Variants in PRRT1 observed in about 807,000 individuals in gnomAD.
PRRT1 encodes proline rich transmembrane protein 1.
In PRRT1, 8 loss-of-function variants were observed where a neutral mutation model predicts 22.6. The ratio of observed to expected loss-of-function variants is 0.35; its 90% CI spans 0.21 to 0.64. The LOEUF is 0.64. Among genes scored for constraint, PRRT1 ranks in the 30% least tolerant of loss-of-function variants. The pLI is 0.69. For synonymous variants in PRRT1, 176 were observed against 203.6 expected (o/e 0.86, Z 1.15); for missense variants, 315 against 444.5 (o/e 0.71, Z 2.62).
Position 32,150,667 on chromosome 6 carries a change from G to T in PRRT1, c.259C>A (p.His87Asn). 1 of 1,427,550 alleles carries T rather than the reference G, an allele frequency of 7.0e-7. No individual in the cohort carries two copies. The highest frequency in any genetic ancestry group is 9.1e-7 in the Non-Finnish European group (1 of 1,096,286). 88.4% of individuals were successfully genotyped at this position (1,427,550 alleles called of 1,614,324 possible). A position where few individuals can be genotyped will look rare whatever the true frequency, so the allele number is the denominator to read the frequency against. ...CCGGCAGCAGGGCCGGGAGGGGCGT[G>T]GTGGGGGGGCCTCGGCAGCGTGGCA... ...SSATLPRPPH[H>N]APPGPAAGAP... is the part of the protein sequence containing the mutation. The change falls in exon 2 of 4, where the codon CAC becomes AAC. Residue 87 changes from histidine to asparagine, a missense_variant. By Grantham distance (68) the His-to-Asn change is moderately conservative (BLOSUM62 1). This residue lies in a region of PRRT1 where 263 missense variants were observed against 328.5 expected (regional missense o/e 0.80). Coordinates refer to ENST00000211413, the MANE Select transcript of PRRT1 (RefSeq NM_030651.4). The surrounding 1 kb of genome is among the most constrained non-coding windows in gnomAD (Gnocchi z 7.2).
chr6:32,151,432 AT>A, intron 1 of PRRT1: 2 of 423,500 alleles, frequency 4.7e-6, no homozygotes, highest in Non-Finnish European at 4.3e-6. Context: ...AGCCCTCTGG[AT>A]TTTGCTCCCT....
chr6:32,149,090 G>A lies in PRRT1; in HGVS notation c.*132C>T, dbSNP rs752444822. 4.3e-5 allele frequency: 42 copies of A among 973,038 alleles called. No homozygotes were observed. The highest frequency in any genetic ancestry group is 1.8e-5 in the Non-Finnish European group (11 of 619,336). The allele number at this position is 973,038 out of a possible 1,614,324, so 60.3% of individuals were successfully genotyped here. ...GCAAGGCGAGACGTTCCGTGGAGGC[G>A]GAGTTTACGATGTATCCAAGTCTGA... is the stretch of plus-strand genomic sequence containing the variant. On this transcript the variant is annotated 3_prime_UTR_variant, in exon 4 of 4. Coordinates refer to ENST00000211413, the MANE Select transcript of PRRT1 (RefSeq NM_030651.4). This position sits in a 1 kb window ranked among gnomAD's most constrained non-coding sequence, Gnocchi z 8.7.
At position 32,150,088 on chromosome 6, in the gene PRRT1, C is replaced by G. The variant is rs1053097584; in HGVS notation, c.558+280G>C. 3.3e-5 allele frequency among the ~76,000 whole-genome samples: 5 copies of G among 152,020 alleles called. No homozygotes were observed. Among genetic ancestry groups the G allele is most frequent in the Non-Finnish European group, 7.4e-5 (5 of 67,996 alleles). On this transcript the variant is annotated intron_variant, in intron 2 of 3. Transcript: ENST00000211413. This position sits in a 1 kb window ranked among gnomAD's most constrained non-coding sequence, Gnocchi z 7.2. ...TCTTGGTTCCCAGCTTCCATTCCCC[C>G]CGTCCCCCGCCAGGCGGTTTCCTAC...
chr6:32,151,009 A>C, intron 1 of PRRT1, 103 bp from the exon 2 acceptor site: 1 of 938,282 alleles, frequency 1.1e-6, no homozygotes, highest in East Asian at 2.6e-5. Flanking sequence ...GGAGAAAGAT[A>C]ATGGGAGAGA....
rs751768367 is a variant in PRRT1 at position 32,150,356 on chromosome 6, C to G, written c.558+12G>C. ...CCCCTCTTTCCCATGTCCCTGTCTGCCCGGCACTCACCGTGCCCACCGGGT... is the reference window on the plus strand; with the variant it reads ...CCCCTCTTTCCCATGTCCCTGTCTGGCCGGCACTCACCGTGCCCACCGGGT... On this transcript the variant is annotated intron_variant, in intron 2 of 3. Transcript: ENST00000211413. This position sits in a 1 kb window ranked among gnomAD's most constrained non-coding sequence, Gnocchi z 7.2. 5 of 1,554,828 alleles carry G rather than the reference C, an allele frequency of 3.2e-6. No homozygotes were observed. The Admixed American group carries it at 8.2e-5, about 25-fold the overall frequency.
chr6:32,149,101 T>C lies in PRRT1; in HGVS notation c.*121A>G. 9.6e-7 allele frequency: 1 copy of C among 1,046,580 alleles called. No homozygotes were observed. Among genetic ancestry groups the C allele is most frequent in the Non-Finnish European group, 1.5e-6 (1 of 684,142 alleles). 64.8% of individuals were successfully genotyped at this position (1,046,580 alleles called of 1,614,324 possible). On this transcript the variant is annotated 3_prime_UTR_variant, in exon 4 of 4. Coordinates refer to ENST00000211413, the MANE Select transcript of PRRT1 (RefSeq NM_030651.4). This position sits in a 1 kb window ranked among gnomAD's most constrained non-coding sequence, Gnocchi z 8.7. The stretch of plus-strand genomic sequence containing the variant: ...CGTTCCGTGGAGGCGGAGTTTACGA[T>C]GTATCCAAGTCTGACGGCCCCAGAA...
chr6:32,151,979 G>GGGGGT, upstream of PRRT1: 1 of 244,376 alleles, frequency 4.1e-6, no homozygotes, highest in Non-Finnish European at 8.3e-6. Flanking sequence ...GGGGCGGGCG[G>GGGGGT]AGGGAGAGCG....
upstream of PRRT1, chr6:32,152,114 G>T: frequency 1.4e-6 from 1 of 699,500 alleles, no homozygotes; most frequent in East Asian, 2.8e-5. Context: ...CAAGCCCCCA[G>T]TTTGGGTTCC....
At position 32,150,572 on chromosome 6, in the gene PRRT1, G is replaced by C; in HGVS notation, c.354C>G (p.Phe118Leu). Residue 118 changes from phenylalanine to leucine, a missense_variant, in exon 2 of 4, where the codon TTC becomes TTG. Physicochemically the swap from Phe to Leu is conservative, Grantham distance 22 (BLOSUM62 0). Around this residue, in one of 4 missense-constraint regions of PRRT1, gnomAD observed 263 missense variants for 328.5 expected, o/e 0.80. Coordinates refer to ENST00000211413, the MANE Select transcript of PRRT1 (RefSeq NM_030651.4). This position sits in a 1 kb window ranked among gnomAD's most constrained non-coding sequence, Gnocchi z 7.2. ...PPDPYLQETR[F>L]EGPLPPPPPA... ...GCGGCGGCGGGGGAAGTGGGCCCTC[G>C]AAGCGAGTCTCCTGCAGGTAAGGGT... 2 of 1,365,692 alleles carry C rather than the reference G, an allele frequency of 1.5e-6. No individual in the cohort carries two copies. Among genetic ancestry groups the C allele is most frequent in the Non-Finnish European group, 1.9e-6 (2 of 1,062,362 alleles). The allele number at this position is 1,365,692 out of a possible 1,614,324, so 84.6% of individuals were successfully genotyped here. A position where few individuals can be genotyped will look rare whatever the true frequency, so the allele number is the denominator to read the frequency against.
chr6:32,150,970 G>A lies in PRRT1; in HGVS notation c.20-64C>T, dbSNP rs547238220. On this transcript the variant is annotated intron_variant, in intron 1 of 3. Coordinates refer to ENST00000211413, the MANE Select transcript of PRRT1 (RefSeq NM_030651.4). This position sits in a 1 kb window ranked among gnomAD's most constrained non-coding sequence, Gnocchi z 7.2. Reference sequence around the variant, plus strand: ...TGACACAGTGATGAGTTGAGGAGGGGGTAAGGGGAAACACAGCCGGTCAGG... The same window carrying A: ...TGACACAGTGATGAGTTGAGGAGGGAGTAAGGGGAAACACAGCCGGTCAGG... The A allele has an allele frequency of 3.0e-6, 4 of 1,344,324 alleles. No individual in the cohort carries two copies. The highest frequency in any genetic ancestry group is 2.5e-5 in the South Asian group (2 of 80,580). 83.3% of individuals were successfully genotyped at this position (1,344,324 alleles called of 1,614,324 possible).
Position 32,150,901 on chromosome 6 carries a change from G to T in PRRT1, c.25C>A (p.Pro9Thr). 1 of 1,575,662 alleles carries T rather than the reference G, an allele frequency of 6.3e-7. No individual in the cohort carries two copies. The highest frequency in any genetic ancestry group is 1.9e-5 in the Admixed American group (1 of 52,994). The change falls in exon 2 of 4, where the codon CCA becomes ACA. Residue 9 changes from proline to threonine, a missense_variant. Coordinates refer to ENST00000211413, the MANE Select transcript of PRRT1 (RefSeq NM_030651.4). The surrounding 1 kb of genome is among the most constrained non-coding windows in gnomAD (Gnocchi z 7.2). ...GGAGAAGTGTGAGGGACTGAGTCTG[G>T]GAGTCCTGGGGGAGGTGAGTGGAGG... MSSEKSGL[P>T]DSVPHTSPPP...
chr6:32,149,638 C>G lies in PRRT1; in HGVS notation c.643G>C (p.Glu215Gln). 6.2e-7 allele frequency: 1 copy of G among 1,612,828 alleles called. No individual in the cohort carries two copies. The highest frequency in any genetic ancestry group is 8.5e-7 in the Non-Finnish European group (1 of 1,179,940). ...PPQGPGLALL[E>Q]PRRPPHDYMP... ...TAGTCGTGTGGCGGGCGCCTCGGCT[C>G]CAGTAGGGCCAGCCCTGGGCCCTGG... Residue 215 changes from glutamate to glutamine, a missense_variant, in exon 3 of 4, where the codon GAG (glutamate) becomes CAG (glutamine). Around this residue, in one of 4 missense-constraint regions of PRRT1, gnomAD observed 263 missense variants for 328.5 expected, o/e 0.80. Coordinates refer to ENST00000211413, the MANE Select transcript of PRRT1 (RefSeq NM_030651.4). The surrounding 1 kb of genome is among the most constrained non-coding windows in gnomAD (Gnocchi z 8.7).
chr6:32,151,238 C>G, intron 1 of PRRT1: 2 of 588,214 alleles, frequency 3.4e-6, no homozygotes. Context: ...GCTGGCCTAT[C>G]CGAGCTAGTC....
At chr6:32,152,899 GT>G (rs9281659), upstream of PRRT1, 9,325 of 143,466 alleles carry the variant, frequency 0.065, 429 homozygotes, top group East Asian at 0.13. Flanking sequence ...ATTTACACCA[GT>G]TTTTTTTTTT....
In PRRT1 at chr6:32,150,227, C is replaced by A; in HGVS notation, c.558+141G>T. The stretch of plus-strand genomic sequence containing the variant: ...CCTAGTCCTTCCTGTCTCAGGCTCC[C>A]TTCTTTCTAGGGCTTGTCCCGGGAA... On this transcript the variant is annotated intron_variant, in intron 2 of 3. Coordinates refer to ENST00000211413, the MANE Select transcript of PRRT1 (RefSeq NM_030651.4). This position sits in a 1 kb window ranked among gnomAD's most constrained non-coding sequence, Gnocchi z 7.2. The A allele has an allele frequency of 9.1e-7, 1 of 1,098,198 alleles. No homozygotes were observed. Among genetic ancestry groups the A allele is most frequent in the South Asian group, 2.0e-5 (1 of 49,678 alleles). The allele number at this position is 1,098,198 out of a possible 1,614,324, so 68.0% of individuals were successfully genotyped here.
At chr6:32,151,977 C>CGG (rs2127380704), upstream of PRRT1, 1 of 88,772 alleles carries the variant, frequency 1.1e-5, no homozygotes. Flanking sequence ...GGGGGGCGGG[C>CGG]GGAGGGAGAG....
chr6:32,152,033 C>T, upstream of PRRT1: 11 of 628,476 alleles, frequency 1.8e-5, no homozygotes, highest in South Asian at 1.7e-4. Context: ...GGAGGGGGAG[C>T]GCTTCAGATG....
chr6:32,150,677 C>A lies in PRRT1; in HGVS notation c.249G>T (p.Arg83Ser). 1 of 1,429,580 alleles carries A rather than the reference C, an allele frequency of 7.0e-7. No homozygotes were observed. Among genetic ancestry groups the A allele is most frequent in the Non-Finnish European group, 9.1e-7 (1 of 1,097,192 alleles). The allele number at this position is 1,429,580 out of a possible 1,614,324, so 88.6% of individuals were successfully genotyped here. Residue 83 changes from arginine to serine, a missense_variant, in exon 2 of 4, where the codon AGG (arginine) becomes AGT (serine). Transcript: ENST00000211413. This position sits in a 1 kb window ranked among gnomAD's most constrained non-coding sequence, Gnocchi z 7.2. The stretch of plus-strand genomic sequence containing the variant: ...GGCCGGGAGGGGCGTGGTGGGGGGG[C>A]CTCGGCAGCGTGGCAGAGGAGGAGG... ...RGPSSSATLP[R>S]PPHHAPPGPA... is the part of the protein sequence containing the mutation.
Position 32,149,293 on chromosome 6 carries a change from C to A in PRRT1, c.850G>T (p.Val284Leu). Residue 284 changes from valine (V) to leucine (L), a missense_variant, in exon 4 of 4, where the codon GTG (valine) becomes TTG (leucine). By Grantham distance (32) the Val-to-Leu change is conservative. This residue lies in a region of PRRT1 where 24 missense variants were observed against 38.2 expected (regional missense o/e 0.63). Coordinates refer to ENST00000211413, the MANE Select transcript of PRRT1 (RefSeq NM_030651.4). This position sits in a 1 kb window ranked among gnomAD's most constrained non-coding sequence, Gnocchi z 8.7. ...ISLAVGIAAM[V>L]LCTILTVVII... The stretch of plus-strand genomic sequence containing the variant: ...ACTACGGTGAGGATGGTACAGAGCA[C>A]CATGGCCGCGATGCCCACGGCCAGG... 1 of 1,611,192 alleles carries A rather than the reference C, an allele frequency of 6.2e-7. No individual in the cohort carries two copies. Among genetic ancestry groups the A allele is most frequent in the Non-Finnish European group, 8.5e-7 (1 of 1,179,398 alleles).
Sources: gnomAD v4.1 joint callset for allele counts (sites outside exome capture counted in the v4.1 genomes callset) on GRCh38, gnomAD v4.1.1 for gene constraint, gnomAD v4.1.1 regional missense constraint, Gnocchi (gnomAD v3.1) non-coding constraint, MANE v1.5 for transcripts, NCBI Gene and HGNC (gene_info 2026-07-23, HGNC 2026-07-21) for gene names.